The following MACROD2 variants were observed in gnomAD, a reference collection of about 807,000 sequenced individuals.
MACROD2 encodes the protein ADP-ribose glycohydrolase MACROD2.
MACROD2 carries 36 observed loss-of-function variants against 70.4 expected under a neutral mutation model. The observed-to-expected ratio is 0.51, with a 90% CI of 0.39 to 0.68. The LOEUF is 0.68. Among genes scored for constraint, MACROD2 ranks in the 30% least tolerant of loss-of-function variants. The pLI, the probability that MACROD2 is intolerant of heterozygous loss-of-function variation, is 0.00. For synonymous variants in MACROD2, 172 were observed against 178.8 expected (o/e 0.96, Z 0.30); for missense variants, 496 against 538.4 (o/e 0.92, Z 0.78).
At chr20:14,207,057 T>C (rs2081529874) in intron 3 of MACROD2, among the ~76,000 whole-genome samples, 2 of 151,884 alleles carry the variant, frequency 1.3e-5, no homozygotes, top group Non-Finnish European at 2.9e-5. Context: ...TGATACACAC[T>C]AAAGTAAATA....
At chr20:15,903,306 T>G (rs1313015499) in intron 10 of MACROD2, among the ~76,000 whole-genome samples, 1 of 151,564 alleles carries the variant, frequency 6.6e-6, no homozygotes, top group Admixed American at 6.6e-5. Context: ...CGTGGCAGAG[T>G]GAGACTGTCT....
intron 3 of MACROD2, among the ~76,000 whole-genome samples, chr20:14,358,668 G>T (rs1444591691): frequency 6.6e-6 from 1 of 151,998 alleles, no homozygotes; most frequent in African/African-American, 2.4e-5. Context: ...ATGTTGGCCA[G>T]GATGGTCTCG....
chr20:15,233,521 G>A (rs759209658), intron 6 of MACROD2, among the ~76,000 whole-genome samples: 4 of 151,960 alleles, frequency 2.6e-5, no homozygotes, highest in South Asian at 4.2e-4. Context: ...TGATTTGGGC[G>A]TAAGATGTGT....
intron 5 of MACROD2, among the ~76,000 whole-genome samples, chr20:14,839,253 T>C (rs2073062410): frequency 1.3e-5 from 2 of 152,110 alleles, no homozygotes; most frequent in South Asian, 4.1e-4. Flanking sequence ...TTGTTGTAGA[T>C]TGATTTGCAT....
At chr20:14,246,486 G>A (rs899512120) in intron 3 of MACROD2, among the ~76,000 whole-genome samples, 6 of 152,128 alleles carry the variant, frequency 3.9e-5, no homozygotes, top group Admixed American at 3.9e-4. Context: ...TCTCCATTGT[G>A]TGAAGCTTTT....
chr20:15,461,006 A>ATATATATTTTTTTTTTT lies in MACROD2; in HGVS notation c.571+29572_571+29573insATATATTTTTTTTTTTT. Among the ~76,000 whole-genome samples, 32 of 67,006 alleles carry ATATATATTTTTTTTTTT rather than the reference A, an allele frequency of 4.8e-4. 1 individual carries two copies. The highest frequency in any genetic ancestry group is 8.2e-4 in the Non-Finnish European group (25 of 30,454). The allele number at this position is 67,006 out of a possible 152,430, so 44.0% of individuals were successfully genotyped here. Reference sequence around the variant, plus strand: ...TATATATATATATATATATATATATATTTTTTTTTAATAGATGGGGTCTTG... The same window carrying ATATATATTTTTTTTTTT: ...TATATATATATATATATATATATATATATATATTTTTTTTTTTTTTTTTTTTAATAGATGGGGTCTTG... On this transcript the variant is annotated intron_variant, in intron 7 of 17. Coordinates refer to ENST00000684519, the MANE Select transcript of MACROD2 (RefSeq NM_001351661.2).
At chr20:14,264,733 G>T (rs983692063) in intron 3 of MACROD2, among the ~76,000 whole-genome samples, 1 of 152,170 alleles carries the variant, frequency 6.6e-6, no homozygotes, top group Non-Finnish European at 1.5e-5. Context: ...AGAAGGCCAG[G>T]ATCTAGTTGA....
At chr20:14,681,189 A>G (rs2070927962) in intron 4 of MACROD2, among the ~76,000 whole-genome samples, 1 of 152,178 alleles carries the variant, frequency 6.6e-6, no homozygotes, top group African/African-American at 2.4e-5. Context: ...TAACATGGTA[A>G]TCACTGGGGA....
intron 4 of MACROD2, among the ~76,000 whole-genome samples, chr20:14,516,173 AT>A (rs1321936643): frequency 4.0e-5 from 6 of 151,646 alleles, no homozygotes; most frequent in Non-Finnish European, 7.4e-5. Context: ...CTTAACAAGT[AT>A]TGCTCACCTC....
chr20:14,790,104 T>C lies in MACROD2; in HGVS notation c.418+105145T>C, dbSNP rs190589904. ...ACCAAAATTATCTTCTTTATTTCAA[T>C]TGGCAACTTTTTTCTCCTTAAGTGC... On this transcript the variant is annotated intron_variant, in intron 5 of 17. Transcript: ENST00000684519. Among the ~76,000 whole-genome samples, 90 of 152,258 alleles carry C rather than the reference T, an allele frequency of 5.9e-4. 1 individual carries two copies. The highest frequency in any genetic ancestry group is 9.8e-4 in the Non-Finnish European group (67 of 68,032).
intron 8 of MACROD2, among the ~76,000 whole-genome samples, chr20:15,766,962 G>A (rs2051537802): frequency 6.6e-6 from 1 of 152,162 alleles, no homozygotes; most frequent in African/African-American, 2.4e-5. Flanking sequence ...TCATGTCTCT[G>A]ATCGTGTAAG....
At chr20:15,164,050 GAAAA>G (rs1171335494) in intron 5 of MACROD2, among the ~76,000 whole-genome samples, 1 of 151,244 alleles carries the variant, frequency 6.6e-6, no homozygotes, top group Non-Finnish European at 1.5e-5. Flanking sequence ...TCAATGTTAA[GAAAA>G]AAAATCAGAG....
At chr20:15,363,922 T>C (rs2078382145) in intron 6 of MACROD2, among the ~76,000 whole-genome samples, 1 of 152,154 alleles carries the variant, frequency 6.6e-6, no homozygotes, top group Admixed American at 6.5e-5. Flanking sequence ...AGCACATCCA[T>C]TCATTATGTT....
chr20:15,966,020 C>T (rs899387603), intron 12 of MACROD2, among the ~76,000 whole-genome samples: 7 of 152,202 alleles, frequency 4.6e-5, no homozygotes, highest in Non-Finnish European at 8.8e-5. Flanking sequence ...ACCCAGGTTT[C>T]TCACTTGTCC....
intron 5 of MACROD2, among the ~76,000 whole-genome samples, chr20:14,964,985 G>A (rs2074619086): frequency 6.6e-6 from 1 of 152,192 alleles, no homozygotes; most frequent in African/African-American, 2.4e-5. Flanking sequence ...TGAGGGATAT[G>A]GAATTAGAAA....
intron 5 of MACROD2, among the ~76,000 whole-genome samples, chr20:15,141,044 A>C (rs532707057): frequency 7.2e-5 from 11 of 152,190 alleles, no homozygotes; most frequent in Non-Finnish European, 1.5e-4. Context: ...ATGTGTTTGC[A>C]TAAGGAGTGC....
intron 15 of MACROD2, among the ~76,000 whole-genome samples, chr20:15,999,301 C>A (rs1279252798): frequency 6.6e-6 from 1 of 152,028 alleles, no homozygotes; most frequent in Non-Finnish European, 1.5e-5. Context: ...TTCCAAAATT[C>A]TTCCTGTTAT....
At chr20:15,726,997 C>T (rs1478228304) in intron 8 of MACROD2, among the ~76,000 whole-genome samples, 1 of 152,024 alleles carries the variant, frequency 6.6e-6, no homozygotes, top group East Asian at 1.9e-4. Context: ...GTCATGAAAC[C>T]TTTGTCAGGG....
chr20:14,046,949 A>AT (rs1226407629), intron 2 of MACROD2, among the ~76,000 whole-genome samples: 2 of 152,124 alleles, frequency 1.3e-5, no homozygotes. Flanking sequence ...AAACTGTGGT[A>AT]TATCTATCTA....
Sources: allele counts gnomAD v4.1 joint callset (sites outside exome capture counted in the v4.1 genomes callset), GRCh38; gene constraint gnomAD v4.1.1; transcripts MANE v1.5; gene names NCBI Gene and HGNC (gene_info 2026-07-23, HGNC 2026-07-21).